TBC1D16: variants seen among roughly 807,000 people sequenced by gnomAD.
The protein encoded by TBC1D16 is CTD-2529O21.1.
TBC1D16 carries 58 observed loss-of-function variants against 74.7 expected under a neutral mutation model. That is an observed-to-expected ratio of 0.78 (90% CI 0.63 to 0.97). The LOEUF (loss-of-function observed/expected upper bound fraction) is 0.97, where lower values mean the gene tolerates loss of function less well. Among genes scored for constraint, TBC1D16 ranks in the 50% least tolerant of loss-of-function variants. TBC1D16 has a pLI of 0.00. For missense variants in TBC1D16, 1,014 were observed against 1,079.5 expected (o/e 0.94, Z 0.85); for synonymous variants, 493 against 474.7 (o/e 1.04, Z -0.50).
At chr17:79,946,363 G>A (rs940178581) in intron 9 of TBC1D16, among the ~76,000 whole-genome samples, 2 of 152,326 alleles carry the variant, frequency 1.3e-5, no homozygotes, top group East Asian at 1.9e-4. Flanking sequence ...TAATGCAGCC[G>A]CTGATCTGAC....
chr17:79,952,603 C>A (rs550808741), intron 4 of TBC1D16, 54 bp downstream of exon 4: 119 of 1,541,686 alleles, frequency 7.7e-5, no homozygotes, highest in Non-Finnish European at 1.0e-4. Context: ...CCCAGGCTGC[C>A]AGGGAAAACA....
chr17:79,943,871 CA>C, intron 10 of TBC1D16: 1 of 1,401,662 alleles, frequency 7.1e-7, no homozygotes, highest in Non-Finnish European at 9.3e-7. Context: ...GGAAAACGTG[CA>C]ATGAGGCACG....
chr17:80,000,205 C>T lies in TBC1D16; in HGVS notation c.779+9955G>A, dbSNP rs143246739. Among the ~76,000 whole-genome samples, 8 of 152,288 alleles carry T rather than the reference C, an allele frequency of 5.3e-5. No individual in the cohort carries two copies. The highest frequency in any genetic ancestry group is 4.1e-4 in the South Asian group (2 of 4,830). ...GTTGGCACCCATAGAGCATATGCCGCGGTGAACAGTGCTCCCCCAAGATTC... is the reference window on the plus strand; with the variant it reads ...GTTGGCACCCATAGAGCATATGCCGTGGTGAACAGTGCTCCCCCAAGATTC... On this transcript the variant is annotated intron_variant, in intron 3 of 11. Coordinates refer to ENST00000310924, the MANE Select transcript of TBC1D16 (RefSeq NM_019020.4). This position sits in a 1 kb window ranked among gnomAD's most constrained non-coding sequence, Gnocchi z 4.1.
intron 1 of TBC1D16, among the ~76,000 whole-genome samples, chr17:80,025,103 T>TG (rs1568649930): frequency 0.89 from 71,211 of 79,586 alleles, 33,026 homozygotes; most frequent in Admixed American, 0.93. Flanking sequence ...ACACACCATA[T>TG]ACACACAAAC....
chr17:79,945,830 G>GC (rs1456875007), intron 9 of TBC1D16, among the ~76,000 whole-genome samples: 1 of 152,236 alleles, frequency 6.6e-6, no homozygotes, highest in Non-Finnish European at 1.5e-5. Flanking sequence ...GCTGGGTTCA[G>GC]CCCCCCGGCC....
intron 1 of TBC1D16, among the ~76,000 whole-genome samples, chr17:80,019,439 A>ACCC (rs71163907): frequency 2.3e-4 from 31 of 135,820 alleles, no homozygotes; most frequent in Admixed American, 8.6e-4. Context: ...CACCAGGACA[A>ACCC]CCCCCCCCCG....
chr17:79,992,386 G>A (rs906544784), intron 3 of TBC1D16: 2 of 152,256 alleles, frequency 1.3e-5, no homozygotes, highest in African/African-American at 2.4e-5. Flanking sequence ...GTGGCCGTTG[G>A]AAAGGTGAAC....
At position 79,990,137 on chromosome 17, in the gene TBC1D16, A is replaced by G. The variant is rs1330613690; in HGVS notation, c.779+20023T>C. Reference sequence around the variant, plus strand: ...CCACACTCCATGTCAGGTCTCTGACATGAACCAGCTTTCAGAGTCTAACGA... The same window carrying G: ...CCACACTCCATGTCAGGTCTCTGACGTGAACCAGCTTTCAGAGTCTAACGA... On this transcript the variant is annotated intron_variant, in intron 3 of 11. Coordinates refer to ENST00000310924, the MANE Select transcript of TBC1D16 (RefSeq NM_019020.4). The surrounding 1 kb of genome is among the most constrained non-coding windows in gnomAD (Gnocchi z 4.8). Among the ~76,000 whole-genome samples the G allele has an allele frequency of 6.6e-6, 1 of 152,252 alleles. No homozygotes were observed. Among genetic ancestry groups the G allele is most frequent in the Non-Finnish European group, 1.5e-5 (1 of 68,038 alleles).
chr17:79,966,091 T>C (rs78392050), intron 3 of TBC1D16, among the ~76,000 whole-genome samples: 26,099 of 152,164 alleles, frequency 0.17, 2,555 homozygotes, highest in African/African-American at 0.26. Context: ...ACTCCTCCTT[T>C]GAGTCCCCCC....
chr17:80,019,303 A>T lies in TBC1D16; in HGVS notation c.-62-5694T>A, dbSNP rs2036203089. On this transcript the variant is annotated intron_variant, in intron 1 of 11. Transcript: ENST00000310924. ...TCTGCGAGGTGCGTCCCAACAGTGC[A>T]GCTTTACGGAGGAGAAGACAGGTTC... Among the ~76,000 whole-genome samples the T allele has an allele frequency of 2.0e-5, 3 of 149,936 alleles. 1 individual carries two copies. The highest frequency in any genetic ancestry group is 5.1e-5 in the African/African-American group (2 of 39,322).
intron 3 of TBC1D16, among the ~76,000 whole-genome samples, chr17:79,960,114 A>G (rs2033526929): frequency 6.6e-6 from 1 of 152,190 alleles, no homozygotes; most frequent in Admixed American, 6.5e-5. Flanking sequence ...TCTTTAAGAG[A>G]TATTGTTAAG....
In TBC1D16 at chr17:79,950,734, G is replaced by A. The variant is rs995582759; in HGVS notation, c.1090-156C>T. Reference sequence around the variant, plus strand: ...AACCCCTAAATGGCGAGTGTAATTAGGCGCAATTAAAATGAAAATACCTTC... The same window carrying A: ...AACCCCTAAATGGCGAGTGTAATTAAGCGCAATTAAAATGAAAATACCTTC... On this transcript the variant is annotated intron_variant, in intron 5 of 11. Transcript: ENST00000310924. This position sits in a 1 kb window ranked among gnomAD's most constrained non-coding sequence, Gnocchi z 4.6. 2.1e-5 allele frequency: 32 copies of A among 1,537,950 alleles called. No homozygotes were observed. The African/African-American group carries it at 4.4e-4, about 21-fold the overall frequency.
At position 79,950,322 on chromosome 17, in the gene TBC1D16, C is replaced by T; in HGVS notation, c.1257+89G>A. 3 of 1,429,118 alleles carry T rather than the reference C, an allele frequency of 2.1e-6. No homozygotes were observed. Among genetic ancestry groups the T allele is most frequent in the South Asian group, 2.9e-5 (2 of 68,862 alleles). 88.5% of individuals were successfully genotyped at this position (1,429,118 alleles called of 1,614,324 possible). A position where few individuals can be genotyped will look rare whatever the true frequency, so the allele number is the denominator to read the frequency against. ...GAGGTGGCCCGTGGGTGCGGGCGGG[C>T]GGCCAGGCCCCGGCCCTCCTTCCCT... On this transcript the variant is annotated intron_variant, in intron 6 of 11. Transcript: ENST00000310924. This position sits in a 1 kb window ranked among gnomAD's most constrained non-coding sequence, Gnocchi z 4.6.
At chr17:80,027,795 G>A (rs915705026) in intron 1 of TBC1D16, among the ~76,000 whole-genome samples, 2 of 151,094 alleles carry the variant, frequency 1.3e-5, no homozygotes, top group African/African-American at 4.9e-5. Context: ...GGGAGGCTGA[G>A]GCGGGAGAAT....
intron 10 of TBC1D16, 106 bp from the exon 11 acceptor site, chr17:79,942,312 G>T: frequency 2.4e-6 from 3 of 1,270,610 alleles, no homozygotes; most frequent in South Asian, 1.5e-5. Flanking sequence ...CAGGGCGAGG[G>T]GTCTGGGCTC....
rs1555852434 is a variant in TBC1D16, at chr17:79,936,909, C to CGTGCGTGTGT, written c.*3949_*3950insACACACGCAC. ...GTGCATGCGTGCGTGTGTGCATGTG[C>CGTGCGTGTGT]GTGTGTGTGTGTGTGTGTGTGTGTG... is the stretch of plus-strand genomic sequence containing the variant. On this transcript the variant is annotated 3_prime_UTR_variant, in exon 12 of 12. Coordinates refer to ENST00000310924, the MANE Select transcript of TBC1D16 (RefSeq NM_019020.4). 4.1e-5 allele frequency: 5 copies of CGTGCGTGTGT among 122,200 alleles called. No homozygotes were observed. Among genetic ancestry groups the CGTGCGTGTGT allele is most frequent in the African/African-American group, 1.3e-4 (5 of 37,274 alleles). 7.6% of individuals were successfully genotyped at this position (122,200 alleles called of 1,614,324 possible). A position where few individuals can be genotyped will look rare whatever the true frequency, so the allele number is the denominator to read the frequency against.
rs1264017659 is a variant in TBC1D16 at position 79,987,455 on chromosome 17, C to T, written c.779+22705G>A. 6.6e-6 allele frequency among the ~76,000 whole-genome samples: 1 copy of T among 151,966 alleles called. No homozygotes were observed. The highest frequency in any genetic ancestry group is 1.5e-5 in the Non-Finnish European group (1 of 67,978). On this transcript the variant is annotated intron_variant, in intron 3 of 11. Transcript: ENST00000310924. This position sits in a 1 kb window ranked among gnomAD's most constrained non-coding sequence, Gnocchi z 5.2. ...AGAGATGGGGTCTCGCTATGTTGTC[C>T]AGGCTGATCTTGAACTCCTGGGCTC... is the stretch of plus-strand genomic sequence containing the variant.
At position 79,935,650 on chromosome 17, in the gene TBC1D16, T is replaced by C. The variant is rs1368524666; in HGVS notation, c.*5209A>G. 1 of 152,300 alleles carries C rather than the reference T, an allele frequency of 6.6e-6. No homozygotes were observed. Among genetic ancestry groups the C allele is most frequent in the Non-Finnish European group, 1.5e-5 (1 of 68,088 alleles). The allele number at this position is 152,300 out of a possible 1,614,324, so 9.4% of individuals were successfully genotyped here. On this transcript the variant is annotated 3_prime_UTR_variant, in exon 12 of 12. Transcript: ENST00000310924. ...GCATCTGTTGTCAGTACAGTTTTATTTGCTGTGGAATCCATGAGAGCCGGA... is the reference window on the plus strand; with the variant it reads ...GCATCTGTTGTCAGTACAGTTTTATCTGCTGTGGAATCCATGAGAGCCGGA...
At chr17:80,023,643 A>G (rs1195299595) in intron 1 of TBC1D16, among the ~76,000 whole-genome samples, 17 of 144,188 alleles carry the variant, frequency 1.2e-4, no homozygotes, top group Non-Finnish European at 3.0e-5. Context: ...GCCAGGAGCG[A>G]GAACTGCTGC....
Sources: allele counts gnomAD v4.1 joint callset (sites outside exome capture counted in the v4.1 genomes callset), GRCh38; gene constraint gnomAD v4.1.1; non-coding constraint Gnocchi (gnomAD v3.1); transcripts MANE v1.5; gene names NCBI Gene and HGNC (gene_info 2026-07-23, HGNC 2026-07-21).